Variants in NEDD4 observed in about 807,000 individuals in gnomAD.
NEDD4 encodes the protein NEDD4 E3 ubiquitin protein ligase.
In NEDD4, 99 loss-of-function variants were observed where a neutral mutation model predicts 144.9. The ratio of observed to expected loss-of-function variants is 0.68; its 90% CI spans 0.58 to 0.81. The LOEUF (loss-of-function observed/expected upper bound fraction) is 0.81, where lower values mean the gene tolerates loss of function less well. Ranked by LOEUF, NEDD4 falls within the 30% of genes least tolerant of loss-of-function variation. NEDD4 has a pLI of 0.00. For synonymous variants in NEDD4, 318 were observed against 350.6 expected, an observed-to-expected ratio of 0.91 and a Z score of 1.04; for missense variants, 985 against 1,065.9, an observed-to-expected ratio of 0.92 and a Z score of 1.06.
At chr15:55,969,888 A>G (rs1173331078) in intron 1 of NEDD4, among the ~76,000 whole-genome samples, 1 of 104,986 alleles carries the variant, frequency 9.5e-6, no homozygotes, top group Admixed American at 9.5e-5. Context: ...AGGGAAAAGT[A>G]AAAAAAAAAA....
chr15:55,865,550 A>AG (rs1352644143), intron 8 of NEDD4, among the ~76,000 whole-genome samples: 1 of 70,944 alleles, frequency 1.4e-5, no homozygotes, highest in East Asian at 3.1e-4. Context: ...ACTAAATAAC[A>AG]TTAAAAAAAA....
chr15:55,876,847 C>A (rs2035011464), intron 5 of NEDD4, among the ~76,000 whole-genome samples: 1 of 149,128 alleles, frequency 6.7e-6, no homozygotes. Context: ...AAATGTTTTT[C>A]TTTTTTTTTC....
Position 55,924,705 on chromosome 15 carries a change from A to G in NEDD4, c.238-6T>C. 6.2e-7 allele frequency: 1 copy of G among 1,606,150 alleles called. No individual in the cohort carries two copies. The highest frequency in any genetic ancestry group is 8.5e-7 in the Non-Finnish European group (1 of 1,176,098). ...CGGTGCTGCTGAGGATGAACCTAAG[A>G]AAAACACAATCTTTATTTAAAAACA... is the stretch of plus-strand genomic sequence containing the variant. On this transcript the variant is annotated splice_polypyrimidine_tract_variant and splice_region_variant and intron_variant, in intron 4 of 28. Coordinates refer to ENST00000435532, the MANE Select transcript of NEDD4 (RefSeq NM_006154.4).
intron 14 of NEDD4, among the ~76,000 whole-genome samples, chr15:55,849,610 A>G (rs2033897058): frequency 6.6e-6 from 1 of 152,074 alleles, no homozygotes; most frequent in African/African-American, 2.4e-5. Flanking sequence ...GGTAAGCCCA[A>G]AAAGGTTATC....
intron 4 of NEDD4, among the ~76,000 whole-genome samples, chr15:55,938,901 T>C (rs2036942799): frequency 6.6e-6 from 1 of 151,240 alleles, no homozygotes; most frequent in Non-Finnish European, 1.5e-5. Flanking sequence ...AATCCAGGAG[T>C]CTGAGACCAG....
At chr15:55,830,468 T>G (rs373126286) in intron 28 of NEDD4, 46 bp downstream of exon 28, 21 of 1,534,092 alleles carry the variant, frequency 1.4e-5, no homozygotes, top group East Asian at 9.0e-5. Flanking sequence ...CAGAGGAATC[T>G]CACTCTCTGA....
intron 1 of NEDD4, among the ~76,000 whole-genome samples, chr15:55,967,034 GCGCCACCAT>G (rs2142330789): frequency 6.6e-6 from 1 of 152,114 alleles, no homozygotes; most frequent in African/African-American, 2.4e-5. Context: ...TTACAGGCAT[GCGCCACCAT>G]GCCCAGATAA....
At chr15:55,883,879 C>A (rs1255072145) in intron 5 of NEDD4, among the ~76,000 whole-genome samples, 1 of 76,754 alleles carries the variant, frequency 1.3e-5, no homozygotes, top group Admixed American at 1.9e-4. Context: ...CAAAGTGGCA[C>A]TTCTTTTTTT....
chr15:55,857,191 C>T (rs1373018060), intron 11 of NEDD4, among the ~76,000 whole-genome samples: 2 of 152,116 alleles, frequency 1.3e-5, no homozygotes, highest in African/African-American at 2.4e-5. Flanking sequence ...TATGAATATA[C>T]AGAAAAAGTT....
chr15:55,925,514 A>G (rs922311364), intron 4 of NEDD4, among the ~76,000 whole-genome samples: 3 of 152,224 alleles, frequency 2.0e-5, no homozygotes, highest in Non-Finnish European at 4.4e-5. Context: ...TTAAGGTTTA[A>G]GCTTTGTAGC....
At chr15:55,951,979 G>A (rs1019569062) in intron 2 of NEDD4, among the ~76,000 whole-genome samples, 1 of 151,370 alleles carries the variant, frequency 6.6e-6, no homozygotes, top group Admixed American at 6.6e-5. Context: ...TCTCATGGGT[G>A]TAAACTCTTC....
chr15:55,867,611 G>C (rs2034628467), intron 8 of NEDD4, among the ~76,000 whole-genome samples: 1 of 152,128 alleles, frequency 6.6e-6, no homozygotes, highest in Non-Finnish European at 1.5e-5. Context: ...GCCAGGTAGA[G>C]AAACTTCTAC....
At chr15:55,936,657 G>C (rs906373511) in intron 4 of NEDD4, among the ~76,000 whole-genome samples, 15 of 152,148 alleles carry the variant, frequency 9.9e-5, no homozygotes, top group African/African-American at 3.6e-4. Flanking sequence ...GTAGGAAATG[G>C]GGTGAGGCTT....
intron 5 of NEDD4, among the ~76,000 whole-genome samples, chr15:55,923,659 A>AAAAATATAT (rs546642962): frequency 1.9e-4 from 26 of 135,290 alleles, no homozygotes; most frequent in African/African-American, 5.6e-4. Flanking sequence ...AAAAAAAAAA[A>AAAAATATAT]ATATATATAT....
chr15:55,850,802 A>G, intron 13 of NEDD4, 60 bp from the exon 14 acceptor site: 1 of 1,472,658 alleles, frequency 6.8e-7, no homozygotes. Flanking sequence ...AAATAGATGT[A>G]GTTAAAAAGG....
At chr15:55,852,886 AT>A (rs2034049958) in intron 12 of NEDD4, among the ~76,000 whole-genome samples, 1 of 151,754 alleles carries the variant, frequency 6.6e-6, no homozygotes, top group Non-Finnish European at 1.5e-5. Flanking sequence ...AGTAGCTGGG[AT>A]TACAGGCATG....
At chr15:55,927,626 C>T (rs1453138276) in intron 4 of NEDD4, among the ~76,000 whole-genome samples, 1 of 152,140 alleles carries the variant, frequency 6.6e-6, no homozygotes. Context: ...GATGGGGACA[C>T]TGACATCCAG....
chr15:55,870,505 T>C (rs1260929800), intron 7 of NEDD4, among the ~76,000 whole-genome samples: 1 of 137,658 alleles, frequency 7.3e-6, no homozygotes, highest in Non-Finnish European at 1.5e-5. Flanking sequence ...CTGCTGCTGC[T>C]TTTTTTTTCT....
intron 4 of NEDD4, among the ~76,000 whole-genome samples, chr15:55,933,970 AG>A (rs1346316972): frequency 2.0e-5 from 3 of 152,214 alleles, no homozygotes; most frequent in Non-Finnish European, 2.9e-5. Context: ...TCTGGCCAAC[AG>A]GGTGAAACCT....
Sources: gnomAD v4.1 joint callset for allele counts (sites outside exome capture counted in the v4.1 genomes callset) on GRCh38, gnomAD v4.1.1 for gene constraint, MANE v1.5 for transcripts, NCBI Gene and HGNC (gene_info 2026-07-23, HGNC 2026-07-21) for gene names.